The following FRMPD1 variants were observed in gnomAD, a reference collection of about 807,000 sequenced individuals.
FRMPD1 encodes FERM and PDZ domain-containing protein 1.
Under a neutral mutation model 117.8 loss-of-function variants are expected in FRMPD1, and 76 were observed. That is an observed-to-expected ratio of 0.65 (90% confidence interval 0.54 to 0.78). The LOEUF (loss-of-function observed/expected upper bound fraction) is 0.78. Ranked by LOEUF, FRMPD1 falls within the 30% of genes least tolerant of loss-of-function variation. The pLI, the probability that FRMPD1 is intolerant of heterozygous loss-of-function variation, is 0.00. For missense variants in FRMPD1, 1,786 were observed against 1,964.5 expected (o/e 0.91, Z 1.72); for synonymous variants, 783 against 770.4 (o/e 1.02, Z -0.27).
rs777920099 is a variant in FRMPD1 at position 37,740,512 on chromosome 9, GC to G, written c.1987del (p.Gln663ArgfsTer27). The G allele has an allele frequency of 2.2e-5, 36 of 1,614,050 alleles. No homozygotes were observed. The highest frequency in any genetic ancestry group is 2.9e-5 in the Non-Finnish European group (34 of 1,180,028). The part of the protein sequence containing the change: ...TSGFLCLLDL[A>X]QRANPQCQKT... Reference sequence around the variant, plus strand: ...TGGCTTCCTCTGTCTCCTGGACCTGGCCCAGAGAGCCAACCCCCAGTGCCAG... The same window carrying G: ...TGGCTTCCTCTGTCTCCTGGACCTGGCCAGAGAGCCAACCCCCAGTGCCAG... On this transcript the variant is annotated frameshift_variant, in exon 15 of 16. Coordinates refer to ENST00000377765, the MANE Select transcript of FRMPD1 (RefSeq NM_014907.3). LOFTEE classifies it high-confidence loss of function. This position sits in a 1 kb window ranked among gnomAD's most constrained non-coding sequence, Gnocchi z 4.2.
the FRMPD1 span, among the ~76,000 whole-genome samples, chr9:37,624,828 C>G: frequency 6.6e-6 from 1 of 152,228 alleles, no homozygotes; most frequent in African/African-American, 2.4e-5. Context: ...CAGAGGGCTG[C>G]TCAATCAATG....
chr9:37,633,083 G>A, the FRMPD1 span, among the ~76,000 whole-genome samples: 2 of 150,136 alleles, frequency 1.3e-5, no homozygotes, highest in African/African-American at 4.9e-5. Context: ...CCCCCAGGTA[G>A]GAGTGCAGTG....
chr9:37,647,498 G>A (rs191263627), upstream of FRMPD1, among the ~76,000 whole-genome samples: 1,143 of 144,778 alleles, frequency 7.9e-3, 7 homozygotes, highest in Admixed American at 0.012. Context: ...GGCGAAGAGC[G>A]AGACTCCGTT....
At chr9:37,680,071 G>T (rs1003925526) in intron 1 of FRMPD1, among the ~76,000 whole-genome samples, 2 of 152,180 alleles carry the variant, frequency 1.3e-5, no homozygotes, top group Admixed American at 6.5e-5. Context: ...GGAGTGGCCT[G>T]GGTCCCCATC....
intron 2 of FRMPD1, among the ~76,000 whole-genome samples, chr9:37,698,327 A>G (rs1822400191): frequency 6.6e-6 from 1 of 152,126 alleles, no homozygotes; most frequent in African/African-American, 2.4e-5. Flanking sequence ...TTTCCAAATT[A>G]GTAAGTAGTC....
Position 37,740,256 on chromosome 9 carries a change from CG to C in FRMPD1, c.1732del (p.Ala578ProfsTer40), listed in dbSNP as rs749228942. The C allele has an allele frequency of 1.9e-5, 30 of 1,613,620 alleles. No individual in the cohort carries two copies. The highest frequency in any genetic ancestry group is 1.7e-5 in the Admixed American group (1 of 60,000). The part of the protein sequence containing the change: ...EVARRGPSTC[G>X]ASSTTDSAES... ...TGGCTAGGAGGGGCCCCAGCACCTGCGGGGCCAGCAGCACGACAGACAGTGC... is the reference window on the plus strand; with the variant it reads ...TGGCTAGGAGGGGCCCCAGCACCTGCGGGCCAGCAGCACGACAGACAGTGC... On this transcript the variant is annotated frameshift_variant, in exon 15 of 16. Coordinates refer to ENST00000377765, the MANE Select transcript of FRMPD1 (RefSeq NM_014907.3). LOFTEE classifies it high-confidence loss of function. The surrounding 1 kb of genome is among the most constrained non-coding windows in gnomAD (Gnocchi z 4.2).
Position 37,692,683 on chromosome 9 carries a change from A to G in FRMPD1, c.42A>G (p.Ala14=). 1 of 1,614,042 alleles carries G rather than the reference A, an allele frequency of 6.2e-7. No individual in the cohort carries two copies. Among genetic ancestry groups the G allele is most frequent in the South Asian group, 1.1e-5 (1 of 91,082 alleles). ...CCAGTTTATTCCAGACACGGAAAGC[A>G]CATAGAATAGAACAAATGGTGGCAA... ...LETSLFQTRK[A]HRIEQMVARW... Residue 14 remains alanine (A), a synonymous_variant, in exon 2 of 16, where the codon GCA becomes GCG. Coordinates refer to ENST00000377765, the MANE Select transcript of FRMPD1 (RefSeq NM_014907.3).
chr9:37,625,655 C>A, the FRMPD1 span, among the ~76,000 whole-genome samples: 1 of 152,092 alleles, frequency 6.6e-6, no homozygotes. Flanking sequence ...AGCCAAAGGA[C>A]CTGGAAAAAA....
rs754667281 is a variant in FRMPD1, at chr9:37,745,102, A to G, written c.3070A>G (p.Arg1024Gly). Reference protein sequence around the residue: ...SLSSGDPNPDRACLASNPGLN... With the variant: ...SLSSGDPNPDGACLASNPGLN... ...CTCCAGTGGTGACCCTAACCCAGAC[A>G]GAGCCTGCCTGGCCAGCAACCCAGG... The change falls in exon 16 of 16, where the codon AGA becomes GGA. Residue 1024 changes from arginine (R) to glycine (G), a missense_variant. Coordinates refer to ENST00000377765, the MANE Select transcript of FRMPD1 (RefSeq NM_014907.3). The G allele has an allele frequency of 1.2e-6, 2 of 1,614,132 alleles. No homozygotes were observed. The highest frequency in any genetic ancestry group is 2.2e-5 in the South Asian group (2 of 91,090).
intron 1 of FRMPD1, among the ~76,000 whole-genome samples, chr9:37,669,051 T>C (rs971452478): frequency 1.3e-5 from 2 of 152,118 alleles, no homozygotes; most frequent in African/African-American, 2.4e-5. Flanking sequence ...TGAGCAATCT[T>C]TGGTTACACA....
the FRMPD1 span, among the ~76,000 whole-genome samples, chr9:37,623,993 C>T: frequency 6.6e-6 from 1 of 152,048 alleles, no homozygotes; most frequent in Non-Finnish European, 1.5e-5. Flanking sequence ...GGTTCGGGGC[C>T]CCAGCGGGAA....
At chr9:37,704,374 AAT>A (rs1398820152) in intron 2 of FRMPD1, among the ~76,000 whole-genome samples, 1 of 152,178 alleles carries the variant, frequency 6.6e-6, no homozygotes, top group African/African-American at 2.4e-5. Context: ...AGTTAAATAA[AAT>A]ATATGTTATT....
At position 37,733,486 on chromosome 9, in the gene FRMPD1, A is replaced by G; in HGVS notation, c.1009A>G (p.Ile337Val). The G allele has an allele frequency of 6.2e-7, 1 of 1,613,780 alleles. No homozygotes were observed. Among genetic ancestry groups the G allele is most frequent in the Non-Finnish European group, 8.5e-7 (1 of 1,179,786 alleles). Residue 337 changes from isoleucine to valine, a missense_variant, in exon 11 of 16, where the codon ATA becomes GTA. Coordinates refer to ENST00000377765, the MANE Select transcript of FRMPD1 (RefSeq NM_014907.3). ...SLKYIEKDWG[I>V]ENFISPTLLR... Reference sequence around the variant, plus strand: ...GTCTCATGGCAGGAAAGACTGGGGAATAGAGAACTTTATATCTCCAACTTT... The same window carrying G: ...GTCTCATGGCAGGAAAGACTGGGGAGTAGAGAACTTTATATCTCCAACTTT...
chr9:37,740,379 A>G lies in FRMPD1; in HGVS notation c.1851A>G (p.Leu617=). The G allele has an allele frequency of 6.2e-7, 1 of 1,613,788 alleles. No homozygotes were observed. The highest frequency in any genetic ancestry group is 1.3e-5 in the African/African-American group (1 of 75,034). ...TGGACGCTCTGGAAGAGGATGACTT[A>G]GACACCTGCTCCTCCAGCAGGTCCA... The part of the protein sequence containing the change: ...ESMDALEEDD[L]DTCSSSRSTF... Residue 617 remains leucine (L), a synonymous_variant, in exon 15 of 16, where the codon TTA becomes TTG. Transcript: ENST00000377765. The surrounding 1 kb of genome is among the most constrained non-coding windows in gnomAD (Gnocchi z 4.2).
chr9:37,709,968 A>G (rs991722612), intron 4 of FRMPD1, among the ~76,000 whole-genome samples: 79 of 152,240 alleles, frequency 5.2e-4, no homozygotes, highest in Middle Eastern at 3.2e-3. Flanking sequence ...TGTCTTTTGC[A>G]TGTGAGAATC....
At chr9:37,611,969 G>A in the FRMPD1 span, among the ~76,000 whole-genome samples, 5 of 152,186 alleles carry the variant, frequency 3.3e-5, no homozygotes, top group Non-Finnish European at 7.3e-5. Context: ...GGATCAGCCT[G>A]GGTATAATAG....
chr9:37,618,161 G>T, the FRMPD1 span, among the ~76,000 whole-genome samples: 5 of 152,200 alleles, frequency 3.3e-5, no homozygotes, highest in African/African-American at 1.2e-4. Context: ...ATAGCCTTCG[G>T]CAGGGACAAT....
chr9:37,606,468 C>T, the FRMPD1 span, among the ~76,000 whole-genome samples: 2 of 152,114 alleles, frequency 1.3e-5, no homozygotes, highest in East Asian at 1.9e-4. Context: ...GGTCACACTG[C>T]CCATGGACAA....
chr9:37,692,436 C>CT (rs1822171186), intron 1 of FRMPD1, among the ~76,000 whole-genome samples: 1 of 152,170 alleles, frequency 6.6e-6, no homozygotes, highest in South Asian at 2.1e-4. Flanking sequence ...AGTCTGTTTG[C>CT]TGCAAGATTG....
Sources: allele counts gnomAD v4.1 joint callset (sites outside exome capture counted in the v4.1 genomes callset), GRCh38; gene constraint gnomAD v4.1.1; non-coding constraint Gnocchi (gnomAD v3.1); transcripts MANE v1.5; gene names NCBI Gene and HGNC (gene_info 2026-07-23, HGNC 2026-07-21).